The following CALN1 variants were observed in gnomAD, a reference collection of about 807,000 sequenced individuals.
CALN1 encodes calneuron 1, also known as calcium-binding protein 8.
Under a neutral mutation model 30.6 loss-of-function variants are expected in CALN1, and 17 were observed. The observed-to-expected ratio is 0.56, with a 90% CI of 0.38 to 0.83. CALN1 has a LOEUF of 0.83. CALN1 is among the 40% of genes least tolerant of loss of function. CALN1 has a pLI of 0.00. For synonymous variants in CALN1, 156 were observed against 131.4 expected (o/e 1.19, Z -1.28); for missense variants, 291 against 354.9 (o/e 0.82, Z 1.45).
chr7:72,241,143 G>C (rs1322920525), intron 3 of CALN1, among the ~76,000 whole-genome samples: 1 of 152,176 alleles, frequency 6.6e-6, no homozygotes, highest in Non-Finnish European at 1.5e-5. Context: ...AATTTGAATA[G>C]TTTTAGTTCA....
intron 6 of CALN1, among the ~76,000 whole-genome samples, chr7:71,799,421 TTTTATTTATTTATTTA>T (rs57965086): frequency 6.9e-6 from 1 of 144,646 alleles, no homozygotes; most frequent in Non-Finnish European, 1.5e-5. Context: ...CTCTGGGTCT[TTTTATTTATTTATTTA>T]TTTATTTATT....
intron 5 of CALN1, among the ~76,000 whole-genome samples, chr7:71,847,398 C>G (rs1000497957): frequency 6.6e-6 from 1 of 151,938 alleles, no homozygotes; most frequent in South Asian, 2.1e-4. Context: ...GCTTGTAATC[C>G]TAGCAGTTTG....
At chr7:72,209,666 A>G (rs1023870463) in intron 3 of CALN1, among the ~76,000 whole-genome samples, 5 of 151,708 alleles carry the variant, frequency 3.3e-5, no homozygotes, top group Non-Finnish European at 7.4e-5. Flanking sequence ...GAAAAAAAGA[A>G]AACAAAAAAC....
intron 3 of CALN1, among the ~76,000 whole-genome samples, chr7:72,135,887 C>CT: frequency 6.6e-6 from 1 of 152,164 alleles, no homozygotes; most frequent in South Asian, 2.1e-4. Context: ...AATCCCAGCA[C>CT]TTTGGGAGGC....
At position 72,278,014 on chromosome 7, in the gene CALN1, G is replaced by T. The variant is rs368114511; in HGVS notation, c.244+672C>A. Among the ~76,000 whole-genome samples the T allele has an allele frequency of 4.8e-3, 672 of 139,140 alleles. 56 individuals carry two copies. Among genetic ancestry groups the T allele is most frequent in the African/African-American group, 0.015 (593 of 38,368 alleles). The allele number at this position is 139,140 out of a possible 152,430, so 91.3% of individuals were successfully genotyped here. On this transcript the variant is annotated intron_variant, in intron 3 of 6. Coordinates refer to ENST00000395275, the MANE Select transcript of CALN1 (RefSeq NM_031468.4). ...TCAACCTAATCCTCTATTCCGGGGGGGGGGGACTTGTTTTTCCTATTTTTA... is the reference window on the plus strand; with the variant it reads ...TCAACCTAATCCTCTATTCCGGGGGTGGGGGACTTGTTTTTCCTATTTTTA...
At chr7:71,897,972 C>CAAAAAAAAAA (rs1207497270) in intron 5 of CALN1, among the ~76,000 whole-genome samples, 18 of 59,040 alleles carry the variant, frequency 3.0e-4, no homozygotes, top group South Asian at 9.8e-4. Flanking sequence ...AAACAAAAAA[C>CAAAAAAAAAA]AAAAAAAAAA....
chr7:72,357,870 T>G (rs925308428), intron 2 of CALN1, among the ~76,000 whole-genome samples: 8 of 148,600 alleles, frequency 5.4e-5, no homozygotes, highest in South Asian at 4.2e-4. Flanking sequence ...ATATGTGTGT[T>G]TTTTTTTAGA....
chr7:72,143,259 C>T (rs1348365533), intron 3 of CALN1, among the ~76,000 whole-genome samples: 1 of 152,090 alleles, frequency 6.6e-6, no homozygotes, highest in East Asian at 1.9e-4. Context: ...ACTAGAATAA[C>T]CAATGCAGAG....
rs568914038 is a variant in CALN1, at chr7:71,926,436, T to C, written c.501+97221A>G. Among the ~76,000 whole-genome samples, 6 of 152,292 alleles carry C rather than the reference T, an allele frequency of 3.9e-5. No individual in the cohort carries two copies. The South Asian group carries it at 6.2e-4, about 16-fold the overall frequency. ...AGTCATCGGAACATACCATCTCCAA[T>C]AGGCCTATTGGAGAGCAAACCCTAT... On this transcript the variant is annotated intron_variant, in intron 5 of 6. Coordinates refer to ENST00000395275, the MANE Select transcript of CALN1 (RefSeq NM_031468.4).
At chr7:72,358,291 C>T (rs1446790752) in intron 2 of CALN1, among the ~76,000 whole-genome samples, 1 of 151,992 alleles carries the variant, frequency 6.6e-6, no homozygotes, top group Non-Finnish European at 1.5e-5. Context: ...CACTACCACG[C>T]CTAGCCTTGG....
At chr7:72,383,343 C>T (rs554960329) in intron 2 of CALN1, among the ~76,000 whole-genome samples, 1 of 152,336 alleles carries the variant, frequency 6.6e-6, no homozygotes, top group South Asian at 2.1e-4. Flanking sequence ...CTCCAAACTG[C>T]TTTCCACAGT....
chr7:71,990,167 T>C (rs1798872391), intron 5 of CALN1, among the ~76,000 whole-genome samples: 1 of 152,062 alleles, frequency 6.6e-6, no homozygotes, highest in Non-Finnish European at 1.5e-5. Flanking sequence ...AAAACCAAAA[T>C]GGCGATGAAA....
At chr7:72,099,701 C>A (rs149798870) in intron 4 of CALN1, among the ~76,000 whole-genome samples, 5 of 152,132 alleles carry the variant, frequency 3.3e-5, no homozygotes, top group Non-Finnish European at 5.9e-5. Context: ...TACACTGATG[C>A]GTTATTTTCA....
chr7:72,157,854 T>C (rs1787815787), intron 3 of CALN1, among the ~76,000 whole-genome samples: 1 of 152,096 alleles, frequency 6.6e-6, no homozygotes, highest in African/African-American at 2.4e-5. Flanking sequence ...AGCGATTCTC[T>C]TGCCTCAGCC....
intron 4 of CALN1, among the ~76,000 whole-genome samples, chr7:72,051,373 C>G (rs965524365): frequency 6.6e-6 from 1 of 151,970 alleles, no homozygotes; most frequent in African/African-American, 2.4e-5. Context: ...TTTTGTGAAA[C>G]TATTGACTTT....
At chr7:72,366,245 C>G (rs1050355971) in intron 2 of CALN1, among the ~76,000 whole-genome samples, 1 of 152,056 alleles carries the variant, frequency 6.6e-6, no homozygotes, top group African/African-American at 2.4e-5. Context: ...GCCATCTCAG[C>G]TCAATGCAAC....
intron 4 of CALN1, among the ~76,000 whole-genome samples, chr7:72,042,302 A>G (rs553445500): frequency 9.2e-5 from 14 of 152,312 alleles, no homozygotes; most frequent in African/African-American, 3.4e-4. Context: ...TTGTATGTGT[A>G]GCTATGATTT....
intron 3 of CALN1, among the ~76,000 whole-genome samples, chr7:72,204,544 T>G (rs114609119): frequency 6.2e-4 from 95 of 152,302 alleles, no homozygotes; most frequent in African/African-American, 2.1e-3. Flanking sequence ...ATGTGGCAAT[T>G]AAAAACTTAG....
At chr7:72,449,616 T>C, upstream of CALN1, among the ~76,000 whole-genome samples, 1 of 152,112 alleles carries the variant, frequency 6.6e-6, no homozygotes, top group Non-Finnish European at 1.5e-5. Flanking sequence ...CTCATGCCTG[T>C]AATCCCAACA....
Sources: allele counts gnomAD v4.1 joint callset (sites outside exome capture counted in the v4.1 genomes callset), GRCh38; gene constraint gnomAD v4.1.1; transcripts MANE v1.5; gene names NCBI Gene and HGNC (gene_info 2026-07-23, HGNC 2026-07-21).